Variants in MAGI3 observed in about 807,000 individuals in gnomAD.
The protein encoded by MAGI3 is membrane associated guanylate kinase, WW and PDZ domain containing 3.
A neutral mutation model predicts 121.8 loss-of-function variants in MAGI3; 43 were observed. The ratio of observed to expected loss-of-function variants is 0.35; its 90% confidence interval spans 0.28 to 0.46. MAGI3 has a LOEUF of 0.46. Among genes scored for constraint, MAGI3 ranks in the 20% least tolerant of loss-of-function variants. The pLI, the probability that MAGI3 is intolerant of heterozygous loss-of-function variation, is 1.00. For synonymous variants in MAGI3, 553 were observed against 639.3 expected, an observed-to-expected ratio of 0.86 and a Z score of 2.04; for missense variants, 1,547 against 1,797.3, an observed-to-expected ratio of 0.86 and a Z score of 2.52.
At chr1:113,457,865 G>A (rs1436585418) in intron 1 of MAGI3, among the ~76,000 whole-genome samples, 5 of 152,072 alleles carry the variant, frequency 3.3e-5, no homozygotes, top group Non-Finnish European at 5.9e-5. Flanking sequence ...TGAAGGATGA[G>A]GAAGAGGAAG....
At chr1:113,610,873 G>A (rs1570938856) in intron 6 of MAGI3, among the ~76,000 whole-genome samples, 1 of 151,922 alleles carries the variant, frequency 6.6e-6, no homozygotes. Flanking sequence ...GGCGGAGGTT[G>A]CAGTGAGCTG....
At chr1:113,486,567 G>T (rs1465508263) in intron 1 of MAGI3, among the ~76,000 whole-genome samples, 3 of 151,640 alleles carry the variant, frequency 2.0e-5, no homozygotes, top group Non-Finnish European at 4.4e-5. Flanking sequence ...TTTAAATGGT[G>T]TGAGGACTTA....
chr1:113,606,331 CCTT>C (rs1041873123), intron 6 of MAGI3, among the ~76,000 whole-genome samples: 1 of 151,998 alleles, frequency 6.6e-6, no homozygotes. Flanking sequence ...ATAGTAAGTT[CCTT>C]CTTATGGTGA....
At chr1:113,430,749 C>G (rs1653261659) in intron 1 of MAGI3, among the ~76,000 whole-genome samples, 1 of 152,172 alleles carries the variant, frequency 6.6e-6, no homozygotes, top group Non-Finnish European at 1.5e-5. Context: ...AACTGACTTA[C>G]TAAATTCTTG....
chr1:113,647,208 C>A (rs1302277470), intron 12 of MAGI3, among the ~76,000 whole-genome samples: 3 of 152,184 alleles, frequency 2.0e-5, no homozygotes, highest in African/African-American at 7.2e-5. Context: ...TTGGGCTCTG[C>A]AAGTAGTTCA....
intron 1 of MAGI3, among the ~76,000 whole-genome samples, chr1:113,406,278 GAAAAAAAAA>G (rs764250269): frequency 1.3e-5 from 1 of 74,522 alleles, no homozygotes; most frequent in Non-Finnish European, 2.7e-5. Flanking sequence ...TTTGTCTACA[GAAAAAAAAA>G]AAAAAAAAAA....
At chr1:113,553,565 A>G (rs983756524) in intron 2 of MAGI3, among the ~76,000 whole-genome samples, 8 of 152,240 alleles carry the variant, frequency 5.3e-5, no homozygotes, top group African/African-American at 1.9e-4. Flanking sequence ...CTCCCTTACT[A>G]GCAGGGCTAA....
chr1:113,645,064 A>C, intron 11 of MAGI3, among the ~76,000 whole-genome samples: 2 of 125,476 alleles, frequency 1.6e-5, no homozygotes, highest in Admixed American at 9.7e-5. Flanking sequence ...TCACTCCATC[A>C]CCCAGGCTGG....
chr1:113,633,433 T>C (rs1161852614), intron 9 of MAGI3, among the ~76,000 whole-genome samples: 1 of 150,886 alleles, frequency 6.6e-6, no homozygotes, highest in Non-Finnish European at 1.5e-5. Context: ...GGCTAATTTT[T>C]TGTATTTTTA....
Position 113,619,355 on chromosome 1 carries a change from A to T in MAGI3, c.1077-381A>T, listed in dbSNP as rs112093835. 5.6e-3 allele frequency among the ~76,000 whole-genome samples: 859 copies of T among 152,284 alleles called. 5 individuals carry two copies. Among genetic ancestry groups the T allele is most frequent in the African/African-American group, 0.02 (815 of 41,572 alleles). On this transcript the variant is annotated intron_variant, in intron 7 of 20. Transcript: ENST00000307546. ...TCAAAGTGCCTTTACAGCTTGCTTC[A>T]TTTTGGAGAAACTTAAATTAAAACC...
At chr1:113,541,922 C>T (rs4456089) in intron 1 of MAGI3, among the ~76,000 whole-genome samples, 33,924 of 152,064 alleles carry the variant, frequency 0.22, 4,854 homozygotes, top group East Asian at 0.65. Context: ...TGTGTTCTTC[C>T]CCAGCTCAAG....
chr1:113,595,335 G>A (rs752999063), intron 6 of MAGI3, among the ~76,000 whole-genome samples: 17 of 152,068 alleles, frequency 1.1e-4, no homozygotes, highest in Admixed American at 7.2e-4. Context: ...TTGTTAAAAA[G>A]AGTAGAGTTT....
chr1:113,562,146 C>T (rs1383793085), intron 2 of MAGI3, among the ~76,000 whole-genome samples: 3 of 152,246 alleles, frequency 2.0e-5, no homozygotes, highest in Admixed American at 6.5e-5. Context: ...TGGCTCACGC[C>T]TGTAATCCCA....
chr1:113,424,384 T>C, intron 1 of MAGI3, among the ~76,000 whole-genome samples: 1 of 152,094 alleles, frequency 6.6e-6, no homozygotes, highest in East Asian at 1.9e-4. Flanking sequence ...TTATTACTGC[T>C]CTTTTAGAAC....
intron 1 of MAGI3, among the ~76,000 whole-genome samples, chr1:113,462,404 T>G (rs536581479): frequency 6.6e-6 from 1 of 152,296 alleles, no homozygotes; most frequent in African/African-American, 2.4e-5. Context: ...TCATGTCTTT[T>G]GTGAGAACAT....
At chr1:113,578,503 C>T (rs1647799085) in intron 2 of MAGI3, among the ~76,000 whole-genome samples, 1 of 152,036 alleles carries the variant, frequency 6.6e-6, no homozygotes, top group African/African-American at 2.4e-5. Flanking sequence ...TCACTGCATC[C>T]TTCAACTCCT....
intron 1 of MAGI3, among the ~76,000 whole-genome samples, chr1:113,454,324 C>T (rs2101496250): frequency 6.6e-6 from 1 of 152,154 alleles, no homozygotes; most frequent in South Asian, 2.1e-4. Context: ...TACTTTTTAC[C>T]CATAAGAGGC....
intron 19 of MAGI3, among the ~76,000 whole-genome samples, chr1:113,678,981 A>T (rs1648042645): frequency 6.6e-6 from 1 of 152,178 alleles, no homozygotes; most frequent in South Asian, 2.1e-4. Flanking sequence ...TGTTTTAGTA[A>T]GCTCTTACAA....
At chr1:113,511,795 T>C (rs1297685935) in intron 1 of MAGI3, among the ~76,000 whole-genome samples, 1 of 152,222 alleles carries the variant, frequency 6.6e-6, no homozygotes, top group Non-Finnish European at 1.5e-5. Context: ...ATTTCTAAGA[T>C]AGGACATTTA....
Sources: allele counts gnomAD v4.1 joint callset (sites outside exome capture counted in the v4.1 genomes callset), GRCh38; gene constraint gnomAD v4.1.1; transcripts MANE v1.5; gene names NCBI Gene and HGNC (gene_info 2026-07-23, HGNC 2026-07-21).